The following MIDEAS variants were observed in gnomAD, a reference collection of about 807,000 sequenced individuals.
MIDEAS encodes mitotic deacetylase-associated SANT domain protein.
MIDEAS carries 26 observed loss-of-function variants against 102.7 expected under a neutral mutation model. That is an observed-to-expected ratio of 0.25 (90% CI 0.19 to 0.35). The LOEUF is 0.35. MIDEAS is among the 10% of genes least tolerant of loss of function. MIDEAS has a pLI of 1.00. For missense variants in MIDEAS, 1,231 were observed against 1,435.6 expected, an observed-to-expected ratio of 0.86 and a Z score of 2.30; for synonymous variants, 585 against 591.0, an observed-to-expected ratio of 0.99 and a Z score of 0.15.
chr14:73,719,203 G>A (rs896920083), intron 12 of MIDEAS, 102 bp downstream of exon 12: 26 of 1,508,266 alleles, frequency 1.7e-5, no homozygotes, highest in Non-Finnish European at 2.0e-5. Flanking sequence ...GAAACGAGGC[G>A]GACACCGCCT....
At position 73,742,082 on chromosome 14, in the gene MIDEAS, C is replaced by G. The variant is rs1387737275; in HGVS notation, c.-247-1827G>C. Among the ~76,000 whole-genome samples, 2 of 152,230 alleles carry G rather than the reference C, an allele frequency of 1.3e-5. No homozygotes were observed. The highest frequency in any genetic ancestry group is 2.4e-5 in the African/African-American group (1 of 41,460). ...TGCACTGAAAATCACCCTGGGCACCCCCATGAAGCTGCAGGGTGGGACTGT... is the reference window on the plus strand; with the variant it reads ...TGCACTGAAAATCACCCTGGGCACCGCCATGAAGCTGCAGGGTGGGACTGT... On this transcript the variant is annotated intron_variant, in intron 1 of 12. Coordinates refer to ENST00000423556, the MANE Select transcript of MIDEAS (RefSeq NM_001367710.1). This position sits in a 1 kb window ranked among gnomAD's most constrained non-coding sequence, Gnocchi z 4.4.
At chr14:73,788,172 A>C (rs2053836643), upstream of MIDEAS, among the ~76,000 whole-genome samples, 1 of 151,302 alleles carries the variant, frequency 6.6e-6, no homozygotes, top group African/African-American at 2.4e-5. Context: ...AAAAAAAAAG[A>C]CATTCGAAAC....
chr14:73,749,971 G>A (rs2053401225), intron 1 of MIDEAS, among the ~76,000 whole-genome samples: 3 of 152,198 alleles, frequency 2.0e-5, no homozygotes, highest in South Asian at 2.1e-4. Flanking sequence ...ACTAGGGGAT[G>A]GAGAGGCCTT....
chr14:73,775,008 G>C (rs1048671405), intron 1 of MIDEAS, among the ~76,000 whole-genome samples: 1 of 152,060 alleles, frequency 6.6e-6, no homozygotes, highest in African/African-American at 2.4e-5. Flanking sequence ...TGCCATGGTG[G>C]CAACTCAGGA....
chr14:73,773,753 T>C (rs1255106542), intron 1 of MIDEAS, among the ~76,000 whole-genome samples: 2 of 151,868 alleles, frequency 1.3e-5, no homozygotes, highest in Non-Finnish European at 2.9e-5. Context: ...CCAGGCGCAA[T>C]GGCTCACGCC....
At chr14:73,719,122 C>T (rs1421651097) in intron 12 of MIDEAS, 114 bp from the exon 13 acceptor site, 22 of 1,460,820 alleles carry the variant, frequency 1.5e-5, no homozygotes, top group Non-Finnish European at 1.9e-5. Context: ...CAGCCGCGGC[C>T]GGCCAGCTCG....
chr14:73,719,209 C>T (rs2052945502), intron 12 of MIDEAS, 96 bp downstream of exon 12: 7 of 1,511,514 alleles, frequency 4.6e-6, no homozygotes, highest in African/African-American at 1.4e-5. Flanking sequence ...AGGCGGACAC[C>T]GCCTGTACCT....
At chr14:73,748,520 G>A (rs982347562) in intron 1 of MIDEAS, among the ~76,000 whole-genome samples, 1 of 152,046 alleles carries the variant, frequency 6.6e-6, no homozygotes. Flanking sequence ...AACACAGTGA[G>A]ACTCTGTACC....
At chr14:73,767,896 C>T (rs904537946) in intron 1 of MIDEAS, among the ~76,000 whole-genome samples, 13 of 152,186 alleles carry the variant, frequency 8.5e-5, no homozygotes, top group Non-Finnish European at 1.2e-4. Context: ...CAGTGGCTCA[C>T]GCCTGTAATC....
At chr14:73,743,457 A>G (rs2053308176) in intron 1 of MIDEAS, among the ~76,000 whole-genome samples, 1 of 151,694 alleles carries the variant, frequency 6.6e-6, no homozygotes, top group African/African-American at 2.4e-5. Flanking sequence ...CTAGGCCTGG[A>G]CTCTCCAGCT....
At chr14:73,783,374 A>G (rs1333777219) in intron 1 of MIDEAS, among the ~76,000 whole-genome samples, 1 of 152,162 alleles carries the variant, frequency 6.6e-6, no homozygotes, top group African/African-American at 2.4e-5. Flanking sequence ...CTGGGGAAGC[A>G]TGGGAGGTAG....
rs573320672 is a variant in MIDEAS, at chr14:73,759,264, G to T, written c.-248+499C>A. On this transcript the variant is annotated intron_variant, in intron 1 of 12. Transcript: ENST00000423556. The surrounding 1 kb of genome is among the most constrained non-coding windows in gnomAD (Gnocchi z 6.7). Reference sequence around the variant, plus strand: ...CACGCTGGCAGGGGAAGGGGCTCCCGCGCCAAGTTCCCTCAGCTGGCTAGC... The same window carrying T: ...CACGCTGGCAGGGGAAGGGGCTCCCTCGCCAAGTTCCCTCAGCTGGCTAGC... Among the ~76,000 whole-genome samples, 17 of 152,240 alleles carry T rather than the reference G, an allele frequency of 1.1e-4. No homozygotes were observed. In the South Asian group the frequency reaches 1.9e-3, roughly 17 times the overall value.
At chr14:73,726,510 G>T in intron 7 of MIDEAS, 94 bp downstream of exon 7, 2 of 1,221,454 alleles carry the variant, frequency 1.6e-6, no homozygotes, top group Non-Finnish European at 2.3e-6. Context: ...GGCCTCAAAT[G>T]TGCATGCCAG....
chr14:73,716,296 CAG>C lies in MIDEAS; in HGVS notation c.*2545_*2546del, dbSNP rs373466444. On this transcript the variant is annotated 3_prime_UTR_variant, in exon 13 of 13. Coordinates refer to ENST00000423556, the MANE Select transcript of MIDEAS (RefSeq NM_001367710.1). ...AAATACAGTGTCTGGCGGGATAATGCAGAGAGGTACCATCTTGATTTTCCCCA... is the reference window on the plus strand; with the variant it reads ...AAATACAGTGTCTGGCGGGATAATGCAGAGGTACCATCTTGATTTTCCCCA... 5.5e-4 allele frequency: 84 copies of C among 152,226 alleles called. No homozygotes were observed. The highest frequency in any genetic ancestry group is 1.9e-3 in the African/African-American group (78 of 41,526). 9.4% of individuals were successfully genotyped at this position (152,226 alleles called of 1,614,324 possible). A position where few individuals can be genotyped will look rare whatever the true frequency, so the allele number is the denominator to read the frequency against.
Position 73,729,824 on chromosome 14 carries a change from G to A in MIDEAS, c.1911C>T (p.Pro637=), listed in dbSNP as rs748494707. 47 of 1,613,516 alleles carry A rather than the reference G, an allele frequency of 2.9e-5. No individual in the cohort carries two copies. The highest frequency in any genetic ancestry group is 1.8e-4 in the South Asian group (16 of 91,070). ...CAGAGGGGTGGTCAGCTAGGCGCAC[G>A]GGAGAGCGCAGGTGGCTCTGGTATG... ...ITPYQSHLRS[P]VRLADHPSER... is the part of the protein sequence containing the mutation. The change falls in exon 4 of 13, where the codon CCC becomes CCT. Residue 637 remains proline, a synonymous_variant. Transcript: ENST00000423556.
At chr14:73,756,267 A>AGT (rs772519833) in intron 1 of MIDEAS, among the ~76,000 whole-genome samples, 14,238 of 141,092 alleles carry the variant, frequency 0.1, 845 homozygotes, top group Non-Finnish European at 0.15. Flanking sequence ...AGCCCATGTC[A>AGT]GTGTGTGTGT....
chr14:73,772,969 G>C (rs1383453855), intron 1 of MIDEAS, among the ~76,000 whole-genome samples: 3 of 151,960 alleles, frequency 2.0e-5, no homozygotes, highest in Admixed American at 6.6e-5. Flanking sequence ...CTCCCGAGTA[G>C]CTAGGGTTAC....
At chr14:73,756,571 G>A (rs760877779) in intron 1 of MIDEAS, among the ~76,000 whole-genome samples, 11 of 152,170 alleles carry the variant, frequency 7.2e-5, no homozygotes, top group Non-Finnish European at 1.2e-4. Context: ...AACAGAATGC[G>A]GCCACTGGCT....
Position 73,738,572 on chromosome 14 carries a change from C to T in MIDEAS, c.1437G>A (p.Leu479=), listed in dbSNP as rs2053233817. Residue 479 remains leucine, a synonymous_variant, in exon 2 of 13, where the codon CTG becomes CTA. Coordinates refer to ENST00000423556, the MANE Select transcript of MIDEAS (RefSeq NM_001367710.1). Reference sequence around the variant, plus strand: ...ATGCCACTCTCACCTTTGCATTCTGCAGTGAGGCCAGCTCCACAGCCTTCT... The same window carrying T: ...ATGCCACTCTCACCTTTGCATTCTGTAGTGAGGCCAGCTCCACAGCCTTCT... ...LAQKAVELAS[L]QNAKDGSGSE... is the part of the protein sequence containing the mutation. The T allele has an allele frequency of 6.3e-7, 1 of 1,579,094 alleles. No homozygotes were observed. The highest frequency in any genetic ancestry group is 8.6e-7 in the Non-Finnish European group (1 of 1,161,780).
Sources: allele counts gnomAD v4.1 joint callset (sites outside exome capture counted in the v4.1 genomes callset), GRCh38; gene constraint gnomAD v4.1.1; non-coding constraint Gnocchi (gnomAD v3.1); transcripts MANE v1.5; gene names NCBI Gene and HGNC (gene_info 2026-07-23, HGNC 2026-07-21).